TRAPPC2L: variants seen among roughly 807,000 people sequenced by gnomAD.
TRAPPC2L encodes the protein trafficking protein particle complex subunit 2L.
In TRAPPC2L, 17 loss-of-function variants were observed where a neutral mutation model predicts 13.2. The ratio of observed to expected loss-of-function variants is 1.29; its 90% CI spans 0.88 to 1.93. TRAPPC2L has a LOEUF of 1.93. TRAPPC2L is among the 30% of genes most tolerant of loss of function. The pLI, the probability that TRAPPC2L is intolerant of heterozygous loss-of-function variation, is 0.00. For missense variants in TRAPPC2L, 359 were observed against 252.1 expected, an observed-to-expected ratio of 1.42 and a Z score of -2.87; for synonymous variants, 150 against 98.1, an observed-to-expected ratio of 1.53 and a Z score of -3.12.
intron 1 of TRAPPC2L, 61 bp downstream of exon 1, chr16:88,857,244 CTACTTCTTCCCTGGGCT>C: frequency 7.1e-7 from 1 of 1,407,294 alleles, no homozygotes; most frequent in Non-Finnish European, 9.5e-7. Context: ...CGCTTTCTTT[CTACTTCTTCCCTGGGCT>C]TAGAAGGCAC....
At chr16:88,857,719 G>C (rs975770887) in intron 1 of TRAPPC2L, among the ~76,000 whole-genome samples, 1 of 152,226 alleles carries the variant, frequency 6.6e-6, no homozygotes, top group African/African-American at 2.4e-5. Flanking sequence ...CAATTCTGCA[G>C]CTCCCTGGAC....
chr16:88,856,535 C>T, upstream of TRAPPC2L: 2 of 696,528 alleles, frequency 2.9e-6, no homozygotes, highest in Non-Finnish European at 2.6e-6. Context: ...CACGCCTGGA[C>T]CCCGCGGCCA....
At chr16:88,856,983 C>T (rs540548909), upstream of TRAPPC2L, 10 of 1,390,446 alleles carry the variant, frequency 7.2e-6, no homozygotes, top group Middle Eastern at 2.6e-4. Context: ...CCACGTGACT[C>T]GCGGGGCGGG....
intron 1 of TRAPPC2L, among the ~76,000 whole-genome samples, chr16:88,858,316 A>AGAGGCGTGCCCAGGTGC (rs1307991612): frequency 1.3e-4 from 20 of 152,304 alleles, no homozygotes; most frequent in African/African-American, 4.3e-4. Flanking sequence ...GGAGAAGGTG[A>AGAGGCGTGCCCAGGTGC]GAGGCGTGCC....
intron 2 of TRAPPC2L, chr16:88,859,290 A>T: frequency 3.3e-6 from 2 of 604,974 alleles, no homozygotes; most frequent in South Asian, 3.0e-5. Flanking sequence ...TTTACAAAAT[A>T]ATGTGGCCTC....
At chr16:88,859,669 C>G (rs761695220) in exon 3 of TRAPPC2L, 8 of 1,613,976 alleles carry the variant, frequency 5.0e-6, no homozygotes, top group East Asian at 4.5e-5. Flanking sequence ...GCAGATACGG[C>G]TACGTCACCA....
At chr16:88,860,303 A>G (rs970555471) in exon 4 of TRAPPC2L, 14 of 696,712 alleles carry the variant, frequency 2.0e-5, no homozygotes, top group Non-Finnish European at 3.7e-5. Context: ...CAGGGATCAC[A>G]CGTCCTTTTG....
At chr16:88,859,469 C>A in intron 2 of TRAPPC2L, 194 bp from the exon 3 acceptor site, 1 of 709,486 alleles carries the variant, frequency 1.4e-6, no homozygotes, top group Non-Finnish European at 2.6e-6. Flanking sequence ...CTGCTCTTCG[C>A]TTCTCCTGCA....
chr16:88,859,733 G>T (rs1968241345), exon 3 of TRAPPC2L: 2 of 1,613,888 alleles, frequency 1.2e-6, no homozygotes, highest in Non-Finnish European at 1.7e-6. Context: ...AGCCCTTCGA[G>T]ACAACGAAAT....
At chr16:88,860,999 C>G (rs527461819) in exon 4 of TRAPPC2L, 4 of 1,556,800 alleles carry the variant, frequency 2.6e-6, no homozygotes, top group South Asian at 2.4e-5. Flanking sequence ...AGCCCGCGCA[C>G]GACTGTGGTG....
At chr16:88,858,745 A>G (rs1968164131) in exon 2 of TRAPPC2L, 2 of 1,613,464 alleles carry the variant, frequency 1.2e-6, no homozygotes, top group African/African-American at 2.7e-5. Flanking sequence ...GGTCGACCAG[A>G]GGGAGCTGTA....
exon 4 of TRAPPC2L, chr16:88,860,103 A>G: frequency 1.1e-6 from 1 of 876,864 alleles, no homozygotes. Context: ...CCATCCCCCT[A>G]GGGCAGAGGT....
chr16:88,861,495 G>A (rs559869033), exon 4 of TRAPPC2L: 3 of 365,142 alleles, frequency 8.2e-6, no homozygotes, highest in Admixed American at 6.9e-5. Context: ...CTTAAAAGGA[G>A]CCCTTGTGAA....
upstream of TRAPPC2L, chr16:88,856,864 A>G: frequency 6.6e-7 from 1 of 1,510,142 alleles, no homozygotes; most frequent in Non-Finnish European, 8.8e-7. Flanking sequence ...CGTCGCCGCG[A>G]CAACCGCCGC....
At chr16:88,857,209 C>A (rs1208770071) in intron 1 of TRAPPC2L, 26 bp downstream of exon 1, 1 of 1,531,698 alleles carries the variant, frequency 6.5e-7, no homozygotes, top group Non-Finnish European at 8.8e-7. Flanking sequence ...GTGGGGCGTC[C>A]GGGCTCGCAC....
At chr16:88,857,868 C>T (rs765292457) in intron 1 of TRAPPC2L, among the ~76,000 whole-genome samples, 2 of 152,242 alleles carry the variant, frequency 1.3e-5, no homozygotes, top group Non-Finnish European at 2.9e-5. Context: ...TGCCCACACG[C>T]TCCTGCTGCA....
Position 88,858,794 on chromosome 16 carries a change from A to G in TRAPPC2L, c.206+3A>G, listed in dbSNP as rs758295480. ...TACCCCACGGAGGACTACAAGGTGT[A>G]TCTTTCAGGGCAGGGTGTGTGTCAG... On this transcript the variant is annotated splice_donor_region_variant and intron_variant, in intron 2 of 3. Transcript: ENST00000565504. 1.3e-5 allele frequency: 21 copies of G among 1,612,306 alleles called. No individual in the cohort carries two copies. Among genetic ancestry groups the G allele is most frequent in the Non-Finnish European group, 1.7e-5 (20 of 1,179,370 alleles).
rs545740272 is a variant in TRAPPC2L at position 88,859,705 on chromosome 16, G to A, written c.249G>A (p.Val83=). The A allele has an allele frequency of 9.0e-5, 146 of 1,614,044 alleles. 2 individuals carry two copies. In the South Asian group the frequency reaches 1.1e-3, roughly 12 times the overall value. ...ACTCCAAGGTGAAGTTTGTCATGGT[G>A]GTAGATTCCTCCAACACAGCCCTTC... The change falls in exon 3 of 4, where the codon GTG becomes GTA. Residue 83 remains valine (V), a synonymous_variant. Coordinates refer to ENST00000565504, the Ensembl canonical transcript of TRAPPC2L.
At chr16:88,858,732 C>G in exon 2 of TRAPPC2L, 1 of 1,613,426 alleles carries the variant, frequency 6.2e-7, no homozygotes, top group South Asian at 1.1e-5. Context: ...TGGGGAAGGC[C>G]CTGGTCGACC....
Sources: allele counts gnomAD v4.1 joint callset (sites outside exome capture counted in the v4.1 genomes callset), GRCh38; gene constraint gnomAD v4.1.1; transcripts MANE v1.5; gene names NCBI Gene and HGNC (gene_info 2026-07-23, HGNC 2026-07-21).